Variants in NR3C2 observed in about 807,000 individuals in gnomAD.
NR3C2 encodes the protein nuclear receptor subfamily 3 group C member 2, also known as mineralocorticoid receptor.
In NR3C2, 15 loss-of-function variants were observed where a neutral mutation model predicts 86.4. The observed-to-expected ratio is 0.17, with a 90% CI of 0.12 to 0.27. The LOEUF is 0.27. Ranked by LOEUF, NR3C2 falls within the 10% of genes least tolerant of loss-of-function variation. The pLI is 1.00. For synonymous variants in NR3C2, 458 were observed against 450.5 expected, an observed-to-expected ratio of 1.02 and a Z score of -0.21; for missense variants, 960 against 1,195.6, an observed-to-expected ratio of 0.80 and a Z score of 2.91.
intron 8 of NR3C2, among the ~76,000 whole-genome samples, chr4:148,094,050 G>A (rs1302028283): frequency 2.6e-5 from 4 of 152,218 alleles, no homozygotes; most frequent in Non-Finnish European, 4.4e-5. Flanking sequence ...TTTCTCCAAA[G>A]AAGATACACA....
intron 4 of NR3C2, among the ~76,000 whole-genome samples, chr4:148,188,687 G>A (rs1354490575): frequency 2.0e-5 from 3 of 152,064 alleles, no homozygotes; most frequent in Non-Finnish European, 2.9e-5. Flanking sequence ...AACAGTGACA[G>A]TCTGACTTCC....
rs1749065859 is a variant in NR3C2 at position 148,417,402 on chromosome 4, C to T, written c.1757+17702G>A. Among the ~76,000 whole-genome samples, 4 of 152,116 alleles carry T rather than the reference C, an allele frequency of 2.6e-5. No individual in the cohort carries two copies. In the South Asian group the frequency reaches 8.3e-4, roughly 31 times the overall value. On this transcript the variant is annotated intron_variant, in intron 2 of 8. Coordinates refer to ENST00000358102, the MANE Select transcript of NR3C2 (RefSeq NM_000901.5). ...GATATGTGTTCAACTCAGTGTTTTT[C>T]TCAATTGAGGTTCTCTTTAAACCAT... is the stretch of plus-strand genomic sequence containing the variant.
rs536679808 is a variant in NR3C2 at position 148,342,930 on chromosome 4, A to ATATT, written c.1758-82814_1758-82813insAATA. ...CCTGGAATGACTCCATTACTAATGC[A>ATATT]ACTACTTCAGATATAAAGTAATCTT... On this transcript the variant is annotated intron_variant, in intron 2 of 8. Coordinates refer to ENST00000358102, the MANE Select transcript of NR3C2 (RefSeq NM_000901.5). 9.3e-3 allele frequency among the ~76,000 whole-genome samples: 1,416 copies of ATATT among 152,304 alleles called. 11 individuals carry two copies. Among genetic ancestry groups the ATATT allele is most frequent in the Non-Finnish European group, 0.013 (867 of 68,022 alleles).
rs970136110 is a variant in NR3C2, at chr4:148,080,953, T to G, written c.*391A>C. ...ATACGTTTTATGTGCAAACCAAGGG[T>G]AAGCTTTAAAACGTTCGTTAGTCCT... On this transcript the variant is annotated 3_prime_UTR_variant, in exon 9 of 9. Transcript: ENST00000358102. 4.4e-4 allele frequency: 140 copies of G among 321,074 alleles called. 2 individuals are homozygous for G. The highest frequency in any genetic ancestry group is 2.9e-3 in the African/African-American group (135 of 46,654). The allele number at this position is 321,074 out of a possible 1,614,324, so 19.9% of individuals were successfully genotyped here.
intron 2 of NR3C2, among the ~76,000 whole-genome samples, chr4:148,314,655 C>G (rs1211179452): frequency 6.6e-6 from 1 of 152,052 alleles, no homozygotes; most frequent in East Asian, 1.9e-4. Context: ...GAAAGGATAA[C>G]TTCACTTGAA....
intron 4 of NR3C2, among the ~76,000 whole-genome samples, chr4:148,175,122 T>A (rs1032696781): frequency 6.6e-6 from 1 of 152,138 alleles, no homozygotes; most frequent in African/African-American, 2.4e-5. Context: ...AGAATGCTGA[T>A]CAGTGATTTC....
chr4:148,436,637 T>G lies in NR3C2; in HGVS notation c.224A>C (p.Gln75Pro), dbSNP rs1323384816. The G allele has an allele frequency of 6.2e-7, 1 of 1,614,122 alleles. No individual in the cohort carries two copies. The highest frequency in any genetic ancestry group is 8.5e-7 in the Non-Finnish European group (1 of 1,180,046). The part of the protein sequence containing the change: ...KEKQELLPCL[Q>P]QDNNRPGILT... ...AATCCCAGGCCGATTATTGTCTTGC[T>G]GAAGGCAAGGGAGTAGTTCTTGTTT... Residue 75 changes from glutamine (Q) to proline (P), a missense_variant, in exon 2 of 9, where the codon CAG (glutamine) becomes CCG (proline). By Grantham distance (76) the Gln-to-Pro change is moderately conservative. Coordinates refer to ENST00000358102, the MANE Select transcript of NR3C2 (RefSeq NM_000901.5).
chr4:148,261,263 G>A (rs1292020707), intron 2 of NR3C2, among the ~76,000 whole-genome samples: 1 of 130,340 alleles, frequency 7.7e-6, no homozygotes, highest in African/African-American at 2.6e-5. Context: ...TATGGTCAGC[G>A]CTATGGTGCA....
chr4:148,363,660 C>T (rs574820936), intron 2 of NR3C2, among the ~76,000 whole-genome samples: 3 of 152,014 alleles, frequency 2.0e-5, no homozygotes, highest in Non-Finnish European at 2.9e-5. Flanking sequence ...CCCACCACCA[C>T]GCCCGGCTAA....
chr4:148,435,541 A>G lies in NR3C2; in HGVS notation c.1320T>C (p.Ser440=). 1.2e-6 allele frequency: 2 copies of G among 1,614,176 alleles called. No homozygotes were observed. Among genetic ancestry groups the G allele is most frequent in the African/African-American group, 1.3e-5 (1 of 75,078 alleles). Residue 440 remains serine (S), a synonymous_variant, in exon 2 of 9, where the codon TCT becomes TCC. Transcript: ENST00000358102. ...GGTTTACTGTTGGATTCCCTTTAAA[A>G]GAGGTGCCTGAACATGAATGCTTGG... The part of the protein sequence containing the change: ...ESTKHSCSGT[S]FKGNPTVNPF...
intron 2 of NR3C2, among the ~76,000 whole-genome samples, chr4:148,319,907 A>G (rs1446662446): frequency 1.4e-5 from 2 of 142,238 alleles, no homozygotes; most frequent in Non-Finnish European, 3.0e-5. Context: ...AGAACTTCCA[A>G]CACTATGTTG....
intron 2 of NR3C2, among the ~76,000 whole-genome samples, chr4:148,401,133 G>A (rs1748139653): frequency 6.6e-6 from 1 of 152,138 alleles, no homozygotes; most frequent in Non-Finnish European, 1.5e-5. Context: ...TAATCACCAT[G>A]GTGGCAACAC....
chr4:148,085,173 C>T (rs1338561210), intron 8 of NR3C2, among the ~76,000 whole-genome samples: 1 of 152,202 alleles, frequency 6.6e-6, no homozygotes, highest in African/African-American at 2.4e-5. Flanking sequence ...ACAGAACTCT[C>T]CACCCCAAAT....
chr4:148,196,889 G>A (rs1047910328), intron 3 of NR3C2, among the ~76,000 whole-genome samples: 5 of 152,048 alleles, frequency 3.3e-5, no homozygotes, highest in Admixed American at 1.3e-4. Flanking sequence ...TAAATATAAC[G>A]TTTCATGATG....
intron 2 of NR3C2, among the ~76,000 whole-genome samples, chr4:148,423,163 A>T (rs1232924944): frequency 6.6e-6 from 1 of 151,928 alleles, no homozygotes; most frequent in African/African-American, 2.4e-5. Flanking sequence ...TTTTGTCTCA[A>T]TCCTTATTTT....
At chr4:148,309,097 T>C (rs1742782406) in intron 2 of NR3C2, among the ~76,000 whole-genome samples, 1 of 152,178 alleles carries the variant, frequency 6.6e-6, no homozygotes, top group South Asian at 2.1e-4. Context: ...TTGATCACTA[T>C]ACATTATACG....
chr4:148,192,082 G>C (rs954723442), intron 4 of NR3C2, among the ~76,000 whole-genome samples: 2 of 152,198 alleles, frequency 1.3e-5, no homozygotes, highest in African/African-American at 4.8e-5. Flanking sequence ...TATTACCAGG[G>C]TTGGTTTTCT....
intron 4 of NR3C2, among the ~76,000 whole-genome samples, chr4:148,168,703 T>C (rs1367997357): frequency 6.6e-6 from 1 of 152,218 alleles, no homozygotes; most frequent in African/African-American, 2.4e-5. Context: ...TCTGTTTAAT[T>C]TGGCATAAAC....
At chr4:148,113,190 C>T (rs1732120714) in intron 8 of NR3C2, among the ~76,000 whole-genome samples, 1 of 152,168 alleles carries the variant, frequency 6.6e-6, no homozygotes, top group South Asian at 2.1e-4. Flanking sequence ...CTTAGAATCT[C>T]CTTTCTGTAT....
Sources: allele counts gnomAD v4.1 joint callset (sites outside exome capture counted in the v4.1 genomes callset), GRCh38; gene constraint gnomAD v4.1.1; transcripts MANE v1.5; gene names NCBI Gene and HGNC (gene_info 2026-07-23, HGNC 2026-07-21).